CTNNA2: variants seen among roughly 807,000 people sequenced by gnomAD.
CTNNA2 encodes the protein catenin alpha 2.
CTNNA2 carries 42 observed loss-of-function variants against 101.0 expected under a neutral mutation model. That is an observed-to-expected ratio of 0.42 (90% CI 0.32 to 0.54). CTNNA2 has a LOEUF of 0.54. Among genes scored for constraint, CTNNA2 ranks in the 20% least tolerant of loss-of-function variants. The pLI, the probability that CTNNA2 is intolerant of heterozygous loss-of-function variation, is 0.14. For missense variants in CTNNA2, 871 were observed against 1,223.1 expected (o/e 0.71, Z 4.29); for synonymous variants, 450 against 456.4 (o/e 0.99, Z 0.18).
chr2:79,857,935 G>A, intron 3 of CTNNA2, 78 bp from the exon 4 acceptor site: 4 of 1,418,640 alleles, frequency 2.8e-6, no homozygotes, highest in East Asian at 2.3e-5. Context: ...AACAGTAATT[G>A]TCCATTCACA....
chr2:79,378,456 G>A (rs1364977169), intron 4 of CTNNA2, among the ~76,000 whole-genome samples: 2 of 151,938 alleles, frequency 1.3e-5, no homozygotes, highest in African/African-American at 2.4e-5. Flanking sequence ...AAAATTGTGG[G>A]GCCTATTGTC....
intron 1 of CTNNA2, chr2:79,633,772 C>T (rs934527598): frequency 2.6e-5 from 4 of 152,148 alleles, no homozygotes; most frequent in Admixed American, 6.5e-5. Context: ...GCATTCTACC[C>T]ACTGACGACA....
At chr2:79,559,533 AT>A (rs1321761214) in intron 1 of CTNNA2, among the ~76,000 whole-genome samples, 3 of 151,970 alleles carry the variant, frequency 2.0e-5, no homozygotes, top group South Asian at 2.1e-4. Context: ...TTGGGAATAT[AT>A]TTTTTCCCCA....
At chr2:79,904,985 A>G (rs1685321126) in intron 6 of CTNNA2, among the ~76,000 whole-genome samples, 1 of 152,216 alleles carries the variant, frequency 6.6e-6, no homozygotes, top group African/African-American at 2.4e-5. Context: ...AGAGCGCCAC[A>G]TGAGAGCAAA....
At chr2:80,534,553 G>T (rs1690824956) in intron 9 of CTNNA2, among the ~76,000 whole-genome samples, 1 of 152,148 alleles carries the variant, frequency 6.6e-6, no homozygotes, top group African/African-American at 2.4e-5. Flanking sequence ...GTAAAGTAGG[G>T]ATTCTGTCCT....
chr2:80,205,404 C>T (rs992514090), intron 7 of CTNNA2, among the ~76,000 whole-genome samples: 6 of 152,168 alleles, frequency 3.9e-5, no homozygotes, highest in Admixed American at 1.3e-4. Context: ...CCTGTTGTCC[C>T]TGCATGATAA....
At chr2:79,583,604 C>A (rs1210646349) in intron 1 of CTNNA2, among the ~76,000 whole-genome samples, 7 of 152,088 alleles carry the variant, frequency 4.6e-5, no homozygotes, top group Non-Finnish European at 7.4e-5. Flanking sequence ...AACCACCGAA[C>A]TGTTTTCCAG....
At chr2:80,446,109 G>A (rs1356684572) in intron 9 of CTNNA2, among the ~76,000 whole-genome samples, 1 of 152,196 alleles carries the variant, frequency 6.6e-6, no homozygotes. Context: ...AAAAATAAGT[G>A]TGGACTGTTG....
chr2:79,897,765 A>T (rs534938898), intron 6 of CTNNA2, among the ~76,000 whole-genome samples: 22 of 152,190 alleles, frequency 1.4e-4, no homozygotes, highest in Non-Finnish European at 3.2e-4. Context: ...GTTTCCTCAC[A>T]GTTATAGCAC....
chr2:80,467,351 G>T (rs1276894119), intron 9 of CTNNA2, among the ~76,000 whole-genome samples: 1 of 152,304 alleles, frequency 6.6e-6, no homozygotes, highest in Non-Finnish European at 1.5e-5. Flanking sequence ...TGACTGCATT[G>T]TACCTGCATT....
intron 1 of CTNNA2, among the ~76,000 whole-genome samples, chr2:79,628,040 A>G (rs547912034): frequency 3.3e-5 from 5 of 152,312 alleles, no homozygotes; most frequent in East Asian, 1.9e-4. Context: ...CATTTATTTT[A>G]AAAAGCATGT....
chr2:79,209,654 G>A (rs1674144031), intron 2 of CTNNA2, among the ~76,000 whole-genome samples: 1 of 127,940 alleles, frequency 7.8e-6, no homozygotes. Flanking sequence ...TGTGTTTGTA[G>A]TTAACCAGAC....
intron 2 of CTNNA2, among the ~76,000 whole-genome samples, chr2:79,201,650 A>C (rs1674037052): frequency 6.6e-6 from 1 of 151,978 alleles, no homozygotes; most frequent in Non-Finnish European, 1.5e-5. Context: ...CTGGAGGGGG[A>C]GCTTCCAGGC....
chr2:79,437,971 G>A (rs544626883), intron 4 of CTNNA2, among the ~76,000 whole-genome samples: 1 of 152,112 alleles, frequency 6.6e-6, no homozygotes, highest in Non-Finnish European at 1.5e-5. Flanking sequence ...CTGTGCCTTT[G>A]TCCCTGGACT....
At chr2:80,454,858 G>A (rs1484295625) in intron 9 of CTNNA2, among the ~76,000 whole-genome samples, 2 of 152,228 alleles carry the variant, frequency 1.3e-5, no homozygotes, top group Non-Finnish European at 2.9e-5. Context: ...CGGGCAGTCA[G>A]TGCTTCCCTC....
chr2:79,448,171 A>C (rs1253359051), intron 4 of CTNNA2, among the ~76,000 whole-genome samples: 2 of 152,102 alleles, frequency 1.3e-5, no homozygotes, highest in Non-Finnish European at 1.5e-5. Context: ...AGCTCTGATG[A>C]AACCTTGGTG....
At position 80,349,373 on chromosome 2, in the gene CTNNA2, C is replaced by T. The variant is rs557700995; in HGVS notation, c.1057-43838C>T. On this transcript the variant is annotated intron_variant, in intron 7 of 18. Coordinates refer to ENST00000402739, the MANE Select transcript of CTNNA2 (RefSeq NM_001282597.3). ...AGGCAGCTTTGTTGATTTGTTGATT[C>T]GTTTGTGTATTGGGGATGGGTATAT... 1.2e-4 allele frequency among the ~76,000 whole-genome samples: 19 copies of T among 152,154 alleles called. No individual in the cohort carries two copies. In the South Asian group the frequency reaches 3.3e-3, roughly 27 times the overall value.
chr2:79,660,674 C>G (rs965558867), intron 2 of CTNNA2, among the ~76,000 whole-genome samples: 3 of 152,124 alleles, frequency 2.0e-5, no homozygotes, highest in African/African-American at 7.2e-5. Context: ...GTTTAATTAA[C>G]CAGTGTGTAG....
At chr2:79,990,140 A>T (rs1294448803) in intron 7 of CTNNA2, among the ~76,000 whole-genome samples, 1 of 152,140 alleles carries the variant, frequency 6.6e-6, no homozygotes, top group African/African-American at 2.4e-5. Flanking sequence ...ATAGGACAAC[A>T]AGGGGATGGC....
Sources: gnomAD v4.1 joint callset for allele counts (sites outside exome capture counted in the v4.1 genomes callset) on GRCh38, gnomAD v4.1.1 for gene constraint, MANE v1.5 for transcripts, NCBI Gene and HGNC (gene_info 2026-07-23, HGNC 2026-07-21) for gene names.